The following CLCN5 variants were observed in gnomAD, a reference collection of about 807,000 sequenced individuals.
CLCN5 encodes H(+)/Cl(-) exchange transporter 5.
CLCN5 carries 17 observed loss-of-function variants against 54.0 expected under a neutral mutation model. The observed-to-expected ratio is 0.31, with a 90% confidence interval of 0.22 to 0.47. The LOEUF (loss-of-function observed/expected upper bound fraction) is 0.47. CLCN5 is among the 20% of genes least tolerant of loss of function. The pLI, the probability that CLCN5 is intolerant of heterozygous loss-of-function variation, is 1.00. For missense variants in CLCN5, 448 were observed against 646.7 expected, an observed-to-expected ratio of 0.69 and a Z score of 3.33; for synonymous variants, 222 against 233.0, an observed-to-expected ratio of 0.95 and a Z score of 0.43.
intron 4 of CLCN5, among the ~76,000 whole-genome samples, chrX:50,066,278 T>C (rs1269909152): frequency 1.8e-5 from 2 of 109,339 alleles, no homozygotes; most frequent in Non-Finnish European, 3.8e-5. Flanking sequence ...TCATGGCCAC[T>C]TAATACAGTC....
intron 3 of CLCN5, among the ~76,000 whole-genome samples, chrX:49,999,767 AAGCAGCTGAT>A: frequency 8.9e-6 from 1 of 111,749 alleles, no homozygotes. Context: ...TGGTGTTGTC[AAGCAGCTGAT>A]ACCTGCGGAA....
chrX:49,932,897 T>C, intron 3 of CLCN5, among the ~76,000 whole-genome samples: 1 of 112,316 alleles, frequency 8.9e-6, no homozygotes, highest in Middle Eastern at 4.6e-3. Flanking sequence ...TTTTGGCACA[T>C]TGCAGTGTAT....
chrX:50,092,264 A>G lies in CLCN5; in HGVS notation c.*45A>G. 3 of 924,224 alleles carry G rather than the reference A, an allele frequency of 3.2e-6. No homozygotes were observed. The highest frequency in any genetic ancestry group is 2.0e-5 in the South Asian group (1 of 50,712). The allele number at this position is 924,224 out of a possible 1,213,427, so 76.2% of individuals were successfully genotyped here. The stretch of plus-strand genomic sequence containing the variant: ...TAAAGCGGGAAGGACATTACAGACC[A>G]TGGATATGTTGTATTAACTGGGTAC... On this transcript the variant is annotated 3_prime_UTR_variant, in exon 15 of 15. Transcript: ENST00000376091.
chrX:49,932,859 A>C (rs1189662068), intron 3 of CLCN5, among the ~76,000 whole-genome samples: 1 of 112,693 alleles, frequency 8.9e-6, no homozygotes, highest in Admixed American at 9.4e-5. Context: ...ATTGAAAGGA[A>C]GTATATGTTT....
intron 3 of CLCN5, among the ~76,000 whole-genome samples, chrX:50,027,485 T>G (rs1931467480): frequency 1.8e-5 from 2 of 112,205 alleles, no homozygotes; most frequent in Non-Finnish European, 3.8e-5. Flanking sequence ...CTCTGCTGTG[T>G]CCAATTTATT....
chrX:50,042,401 A>G lies in CLCN5; in HGVS notation c.102A>G (p.Pro34=). ...GTGATGAAGACCTGATGGACATTCC[A>G]GCAACCGCTATGGATTTCTCCATGA... ...SSSDEDLMDI[P]ATAMDFSMRD... is the part of the protein sequence containing the mutation. Residue 34 remains proline, a synonymous_variant, in exon 4 of 15, where the codon CCA becomes CCG. Coordinates refer to ENST00000376091, the MANE Select transcript of CLCN5 (RefSeq NM_001127898.4). The G allele has an allele frequency of 8.6e-7, 1 of 1,158,088 alleles. No homozygotes were observed. Among genetic ancestry groups the G allele is most frequent in the Non-Finnish European group, 1.2e-6 (1 of 864,956 alleles).
At position 50,090,876 on chromosome X, in the gene CLCN5, A is replaced by G; in HGVS notation, c.2350A>G (p.Thr784Ala). The G allele has an allele frequency of 8.3e-7, 1 of 1,203,309 alleles. No homozygotes were observed. The highest frequency in any genetic ancestry group is 3.0e-5 in the East Asian group (1 of 33,806). The change falls in exon 14 of 15, where the codon ACA (threonine) becomes GCA (alanine). Residue 784 changes from threonine (T) to alanine (A), a missense_variant. Thr to Ala is a moderately conservative substitution (Grantham distance 58). Transcript: ENST00000376091. Reference protein sequence around the residue: ...RKLGLRQCLVTHNGRLLGIIT... With the variant: ...RKLGLRQCLVAHNGRLLGIIT... ...GCTGGGACTGCGGCAGTGCCTGGTTACACACAACGGGTAAGAAGTCTTGAG... is the reference window on the plus strand; with the variant it reads ...GCTGGGACTGCGGCAGTGCCTGGTTGCACACAACGGGTAAGAAGTCTTGAG...
At chrX:50,021,065 T>G (rs1417504888) in intron 3 of CLCN5, among the ~76,000 whole-genome samples, 6 of 57,447 alleles carry the variant, frequency 1.0e-4, no homozygotes, top group Non-Finnish European at 1.3e-4. Context: ...TAAATTACCT[T>G]GGGCAGTATG....
chrX:50,076,246 A>G (rs1164328109), intron 7 of CLCN5, among the ~76,000 whole-genome samples: 1 of 112,092 alleles, frequency 8.9e-6, no homozygotes, highest in African/African-American at 3.2e-5. Context: ...GTACTAGTAC[A>G]TAGTGTGACT....
At chrX:50,028,928 G>T (rs1602066574) in intron 3 of CLCN5, among the ~76,000 whole-genome samples, 1 of 111,409 alleles carries the variant, frequency 9.0e-6, no homozygotes, top group Non-Finnish European at 1.9e-5. Flanking sequence ...AATTTTGTCT[G>T]TTCACATCTG....
At chrX:50,074,542 G>T (rs1272909167) in intron 6 of CLCN5, among the ~76,000 whole-genome samples, 2 of 112,012 alleles carry the variant, frequency 1.8e-5, no homozygotes, top group African/African-American at 6.5e-5. Context: ...GAAGATTGTG[G>T]ACCGGAGTGG....
chrX:50,047,396 A>G (rs187317093), intron 4 of CLCN5, among the ~76,000 whole-genome samples: 127 of 111,707 alleles, frequency 1.1e-3, no homozygotes, highest in Non-Finnish European at 1.3e-3. Context: ...AAAGTGGCCC[A>G]TATGGAAAGC....
At chrX:50,025,807 T>G (rs1272593850) in intron 3 of CLCN5, among the ~76,000 whole-genome samples, 1 of 111,502 alleles carries the variant, frequency 9.0e-6, no homozygotes, top group Non-Finnish European at 1.9e-5. Flanking sequence ...TTTATCAATT[T>G]TATTGATCTT....
chrX:50,086,768 G>T lies in CLCN5; in HGVS notation c.1455G>T (p.Leu485=). The part of the protein sequence containing the change: ...NRFNTSKGGE[L]PDRPAGVGVY... ...TCAACACAAGCAAAGGGGGTGAACT[G>T]CCTGACAGACCGGCTGGCGTGGGAG... Residue 485 remains leucine (L), a synonymous_variant, in exon 11 of 15, where the codon CTG becomes CTT. Transcript: ENST00000376091. 1 of 1,211,426 alleles carries T rather than the reference G, an allele frequency of 8.3e-7. No individual in the cohort carries two copies. Among genetic ancestry groups the T allele is most frequent in the Non-Finnish European group, 1.1e-6 (1 of 895,437 alleles).
intron 3 of CLCN5, chrX:50,010,645 C>T (rs782210110): frequency 6.5e-6 from 1 of 152,949 alleles, no homozygotes; most frequent in East Asian, 1.6e-4. Flanking sequence ...GTGAGGTGTA[C>T]AGGTACTGGA....
chrX:50,070,658 A>G (rs782424124), intron 5 of CLCN5, among the ~76,000 whole-genome samples: 4 of 112,272 alleles, frequency 3.6e-5, no homozygotes, highest in South Asian at 7.4e-4. Context: ...TTCAACTCCA[A>G]CAAAACCACA....
chrX:50,098,979 A>G lies in CLCN5; in HGVS notation c.*6760A>G, dbSNP rs1557196108. 1.8e-5 allele frequency: 2 copies of G among 112,595 alleles called. No individual in the cohort carries two copies. Among genetic ancestry groups the G allele is most frequent in the African/African-American group, 3.2e-5 (1 of 30,795 alleles). 9.3% of individuals were successfully genotyped at this position (112,595 alleles called of 1,213,427 possible). On this transcript the variant is annotated 3_prime_UTR_variant, in exon 15 of 15. Transcript: ENST00000376091. ...AAATGGGGATAGTGTTAATTGCCCT[A>G]CCTACCTCACAGGGTTGTTGTGAGG... is the stretch of plus-strand genomic sequence containing the variant.
chrX:49,934,669 C>T (rs1262208895), intron 3 of CLCN5, among the ~76,000 whole-genome samples: 2 of 111,848 alleles, frequency 1.8e-5, no homozygotes, highest in South Asian at 3.7e-4. Context: ...GAAATTAAAA[C>T]ATAGAGCAAT....
At chrX:49,939,867 C>T (rs2147268782) in intron 3 of CLCN5, among the ~76,000 whole-genome samples, 1 of 111,251 alleles carries the variant, frequency 9.0e-6, no homozygotes, top group Admixed American at 9.6e-5. Flanking sequence ...CTTTAAATTC[C>T]AAAGTTAGCA....
Sources: allele counts gnomAD v4.1 joint callset (sites outside exome capture counted in the v4.1 genomes callset), GRCh38; gene constraint gnomAD v4.1.1; transcripts MANE v1.5; gene names NCBI Gene and HGNC (gene_info 2026-07-23, HGNC 2026-07-21).